Variants in PPP4R2 observed in about 807,000 individuals in gnomAD.
The protein encoded by PPP4R2 is protein phosphatase 4 regulatory subunit 2.
PPP4R2 carries 13 observed loss-of-function variants against 47.2 expected under a neutral mutation model. That is an observed-to-expected ratio of 0.28 (90% CI 0.18 to 0.44). The LOEUF (loss-of-function observed/expected upper bound fraction) is 0.44. Among genes scored for constraint, PPP4R2 ranks in the 20% least tolerant of loss-of-function variants. The pLI, the probability that PPP4R2 is intolerant of heterozygous loss-of-function variation, is 1.00. For missense variants in PPP4R2, 421 were observed against 491.2 expected, an observed-to-expected ratio of 0.86 and a Z score of 1.35; for synonymous variants, 151 against 163.3, an observed-to-expected ratio of 0.92 and a Z score of 0.57.
At chr3:73,026,608 T>C (rs894568047) in intron 2 of PPP4R2, among the ~76,000 whole-genome samples, 7 of 152,158 alleles carry the variant, frequency 4.6e-5, no homozygotes, top group African/African-American at 1.4e-4. Flanking sequence ...ACCGAGCTTA[T>C]ACAGCCCGCA....
rs1343243121 is a variant in PPP4R2 at position 73,067,522 on chromosome 3, A to G, written c.*1800A>G. ...TAAAATCTGAATATTGATTTACTAT[A>G]CCCAAGAGGGGAGAAAAATTAACCA... On this transcript the variant is annotated 3_prime_UTR_variant, in exon 9 of 9. Transcript: ENST00000356692. 2 of 152,164 alleles carry G rather than the reference A, an allele frequency of 1.3e-5. No homozygotes were observed. The highest frequency in any genetic ancestry group is 4.8e-5 in the African/African-American group (2 of 41,434). The allele number at this position is 152,164 out of a possible 1,614,324, so 9.4% of individuals were successfully genotyped here.
chr3:73,058,095 T>G (rs973876439), intron 3 of PPP4R2, among the ~76,000 whole-genome samples: 6 of 126,908 alleles, frequency 4.7e-5, no homozygotes, highest in Non-Finnish European at 5.3e-5. Context: ...CTACATGAGC[T>G]CAAAACTTAA....
chr3:73,004,948 TGTGTGTGTG>T (rs1559546009), intron 2 of PPP4R2, among the ~76,000 whole-genome samples: 1,832 of 31,964 alleles, frequency 0.057, 44 homozygotes, highest in African/African-American at 0.16. Flanking sequence ...CGGAGTCGTG[TGTGTGTGTG>T]TGTGTGTGTG....
At chr3:73,021,997 A>G (rs1260829262) in intron 2 of PPP4R2, among the ~76,000 whole-genome samples, 2 of 151,430 alleles carry the variant, frequency 1.3e-5, no homozygotes, top group Non-Finnish European at 2.9e-5. Flanking sequence ...CCCAGGTTCA[A>G]GTGATTCTCC....
At chr3:73,046,623 CCTGTGATT>C (rs2107309337) in intron 2 of PPP4R2, among the ~76,000 whole-genome samples, 1 of 152,184 alleles carries the variant, frequency 6.6e-6, no homozygotes, top group East Asian at 1.9e-4. Flanking sequence ...TTGGATAGAA[CCTGTGATT>C]ATGTGCCTTA....
At chr3:73,032,727 A>G (rs754136866) in intron 2 of PPP4R2, among the ~76,000 whole-genome samples, 3 of 152,174 alleles carry the variant, frequency 2.0e-5, no homozygotes, top group Non-Finnish European at 4.4e-5. Context: ...TCCTTCTCCA[A>G]GCATGCACAC....
At chr3:73,032,397 TCCTGCCTCAGC>T (rs1486888155) in intron 2 of PPP4R2, among the ~76,000 whole-genome samples, 1 of 52,688 alleles carries the variant, frequency 1.9e-5, no homozygotes, top group East Asian at 2.3e-4. Context: ...CAAGCGATTC[TCCTGCCTCAGC>T]CTCCTGAGTA....
At chr3:73,054,922 A>G (rs145104482) in intron 3 of PPP4R2, among the ~76,000 whole-genome samples, 11 of 152,312 alleles carry the variant, frequency 7.2e-5, no homozygotes, top group African/African-American at 2.4e-4. Flanking sequence ...TTGAATTGCT[A>G]CTTTATGTTA....
At chr3:73,010,137 C>T (rs1701692636) in intron 2 of PPP4R2, among the ~76,000 whole-genome samples, 1 of 152,026 alleles carries the variant, frequency 6.6e-6, no homozygotes, top group South Asian at 2.1e-4. Flanking sequence ...GTAATAATGC[C>T]CTTAGTGGTA....
chr3:73,027,241 C>T (rs1448233894), intron 2 of PPP4R2, among the ~76,000 whole-genome samples: 1 of 152,204 alleles, frequency 6.6e-6, no homozygotes, highest in African/African-American at 2.4e-5. Flanking sequence ...CTTCCCCTGC[C>T]TCAGCCTCCC....
intron 2 of PPP4R2, among the ~76,000 whole-genome samples, chr3:73,001,356 G>A (rs978666794): frequency 6.6e-6 from 1 of 152,110 alleles, no homozygotes; most frequent in Non-Finnish European, 1.5e-5. Context: ...TTGAGCCCAG[G>A]AGTTCGAGAC....
intron 2 of PPP4R2, among the ~76,000 whole-genome samples, chr3:73,012,532 A>C (rs1701746536): frequency 6.6e-6 from 1 of 152,136 alleles, no homozygotes; most frequent in South Asian, 2.1e-4. Flanking sequence ...TGATCTCCTG[A>C]CCTCATGATC....
intron 2 of PPP4R2, among the ~76,000 whole-genome samples, chr3:73,005,833 C>CAAAAAA (rs71623999): frequency 2.5e-5 from 3 of 121,808 alleles, no homozygotes; most frequent in African/African-American, 6.4e-5. Context: ...ACTCTGTCTG[C>CAAAAAA]AAAAAAAAAA....
At chr3:73,055,366 C>G (rs1488346308) in intron 3 of PPP4R2, among the ~76,000 whole-genome samples, 4 of 151,348 alleles carry the variant, frequency 2.6e-5, no homozygotes, top group Admixed American at 2.6e-4. Context: ...CCATGAGACC[C>G]ATGAAGACTC....
chr3:73,053,981 G>T (rs1702675586), intron 3 of PPP4R2, among the ~76,000 whole-genome samples: 1 of 150,036 alleles, frequency 6.7e-6, no homozygotes, highest in Non-Finnish European at 1.5e-5. Context: ...ATTTTCTTTT[G>T]GTGGGGACAG....
At chr3:73,031,126 G>A (rs1039763355) in intron 2 of PPP4R2, among the ~76,000 whole-genome samples, 1 of 152,164 alleles carries the variant, frequency 6.6e-6, no homozygotes, top group African/African-American at 2.4e-5. Flanking sequence ...AATTTTTGGA[G>A]TAAGTATAAC....
At chr3:73,051,529 T>G (rs1702612886) in intron 3 of PPP4R2, among the ~76,000 whole-genome samples, 1 of 152,220 alleles carries the variant, frequency 6.6e-6, no homozygotes, top group African/African-American at 2.4e-5. Flanking sequence ...GCTTTTAGTT[T>G]GTAAAAGTTT....
At position 72,996,972 on chromosome 3, in the gene PPP4R2, G is replaced by A. The variant is rs1701357201; in HGVS notation, c.-66G>A. On this transcript the variant is annotated 5_prime_UTR_variant, in exon 1 of 9. Transcript: ENST00000356692. ...GGGGGAGGGCGTCGGGGGGGTGGGG[G>A]GAGGCGTTCCGGTCCCCAAGAGACC... The A allele has an allele frequency of 2.9e-5, 36 of 1,230,784 alleles. No homozygotes were observed. Among genetic ancestry groups the A allele is most frequent in the Non-Finnish European group, 3.8e-5 (36 of 946,936 alleles). The allele number at this position is 1,230,784 out of a possible 1,614,324, so 76.2% of individuals were successfully genotyped here.
chr3:73,020,672 T>TTTAAA (rs59905202), intron 2 of PPP4R2, among the ~76,000 whole-genome samples: 49 of 133,226 alleles, frequency 3.7e-4, no homozygotes, highest in Middle Eastern at 7.7e-3. Context: ...CCTGTCTCTT[T>TTTAAA]AAAAAAAAAA....
Sources: gnomAD v4.1 joint callset for allele counts (sites outside exome capture counted in the v4.1 genomes callset) on GRCh38, gnomAD v4.1.1 for gene constraint, MANE v1.5 for transcripts, NCBI Gene and HGNC (gene_info 2026-07-23, HGNC 2026-07-21) for gene names.